F13A1: variants seen among roughly 807,000 people sequenced by gnomAD.
The protein encoded by F13A1 is coagulation factor XIII A chain.
A neutral mutation model predicts 80.1 loss-of-function variants in F13A1; 47 were observed. That is an observed-to-expected ratio of 0.59 (90% CI 0.46 to 0.75). The LOEUF (loss-of-function observed/expected upper bound fraction) is 0.75, where lower values mean the gene tolerates loss of function less well. Among genes scored for constraint, F13A1 ranks in the 30% least tolerant of loss-of-function variants. The pLI, the probability that F13A1 is intolerant of heterozygous loss-of-function variation, is 0.00. For missense variants in F13A1, 817 were observed against 930.4 expected, an observed-to-expected ratio of 0.88 and a Z score of 1.59; for synonymous variants, 349 against 344.9, an observed-to-expected ratio of 1.01 and a Z score of -0.13.
chr6:6,278,917 AG>A (rs781567757), intron 3 of F13A1, among the ~76,000 whole-genome samples: 54 of 152,228 alleles, frequency 3.5e-4, no homozygotes, highest in Non-Finnish European at 7.3e-5. Flanking sequence ...TGAAGACTGC[AG>A]GAGAGCAATC....
rs564505812 is a variant in F13A1, at chr6:6,151,669, G to A, written c.2045+144C>T. ...CAAACCAACCCTAGTTTTACTCCAC[G>A]CCCTACAGAAATGGTCGGCAAGGAG... is the stretch of plus-strand genomic sequence containing the variant. On this transcript the variant is annotated intron_variant, in intron 14 of 14. Coordinates refer to ENST00000264870, the MANE Select transcript of F13A1 (RefSeq NM_000129.4). 74 of 1,097,494 alleles carry A rather than the reference G, an allele frequency of 6.7e-5. No individual in the cohort carries two copies. The East Asian group carries it at 1.0e-3, about 15-fold the overall frequency. 68.0% of individuals were successfully genotyped at this position (1,097,494 alleles called of 1,614,324 possible).
intron 3 of F13A1, among the ~76,000 whole-genome samples, chr6:6,287,259 C>T (rs1290483705): frequency 2.0e-5 from 3 of 152,178 alleles, no homozygotes; most frequent in Non-Finnish European, 4.4e-5. Flanking sequence ...GCTTCATATG[C>T]TGCAAGAATG....
intron 10 of F13A1, among the ~76,000 whole-genome samples, chr6:6,191,742 G>A (rs1392880400): frequency 1.3e-5 from 2 of 152,218 alleles, no homozygotes; most frequent in African/African-American, 4.8e-5. Flanking sequence ...CTTGTCTGCA[G>A]GCTCTGCAGA....
chr6:6,251,366 G>T (rs556589229), intron 4 of F13A1, among the ~76,000 whole-genome samples: 1 of 149,176 alleles, frequency 6.7e-6, no homozygotes, highest in South Asian at 2.1e-4. Flanking sequence ...TCTGGGACAC[G>T]TGAGAAGGCC....
At chr6:6,196,809 G>GA (rs925914158) in intron 9 of F13A1, among the ~76,000 whole-genome samples, 13 of 152,068 alleles carry the variant, frequency 8.5e-5, no homozygotes, top group Non-Finnish European at 1.5e-5. Flanking sequence ...CCAGGTTCTG[G>GA]AAAAACAATT....
intron 8 of F13A1, among the ~76,000 whole-genome samples, chr6:6,201,655 A>G (rs960712335): frequency 2.0e-5 from 3 of 152,194 alleles, no homozygotes; most frequent in African/African-American, 7.2e-5. Context: ...TTATATCCCA[A>G]GTTCCTCCAT....
chr6:6,258,506 T>C (rs990556032), intron 4 of F13A1, among the ~76,000 whole-genome samples: 6 of 152,190 alleles, frequency 3.9e-5, no homozygotes, highest in African/African-American at 1.4e-4. Context: ...TGGGTGAATG[T>C]GTCTCTGCAT....
At position 6,165,662 on chromosome 6, in the gene F13A1, G is replaced by A. The variant is rs575438802; in HGVS notation, c.1908+1796C>T. On this transcript the variant is annotated intron_variant, in intron 13 of 14. Transcript: ENST00000264870. Reference sequence around the variant, plus strand: ...CAGCTGGGACAGGCCTGCAGCAGGGGGTCCCACATGTCTATAGGAAGAGCC... The same window carrying A: ...CAGCTGGGACAGGCCTGCAGCAGGGAGTCCCACATGTCTATAGGAAGAGCC... 7.2e-5 allele frequency among the ~76,000 whole-genome samples: 11 copies of A among 152,314 alleles called. 1 individual carries two copies. Among genetic ancestry groups the A allele is most frequent in the African/African-American group, 2.6e-4 (11 of 41,562 alleles).
rs373896931 is a variant in F13A1, at chr6:6,252,753, A to G, written c.572-1824T>C. Reference sequence around the variant, plus strand: ...AACATTCAGTAATGTAAAGATATAAATTCTACCCAAATTAGTCTATATGAC... The same window carrying G: ...AACATTCAGTAATGTAAAGATATAAGTTCTACCCAAATTAGTCTATATGAC... On this transcript the variant is annotated intron_variant, in intron 4 of 14. Coordinates refer to ENST00000264870, the MANE Select transcript of F13A1 (RefSeq NM_000129.4). Among the ~76,000 whole-genome samples the G allele has an allele frequency of 5.9e-5, 9 of 152,336 alleles. No homozygotes were observed. The East Asian group carries it at 1.7e-3, about 29-fold the overall frequency.
In F13A1 at chr6:6,151,868, C is replaced by G; in HGVS notation, c.1990G>C (p.Val664Leu). Reference protein sequence around the residue: ...TNPLKETLRNVWVHLDGPGVT... With the variant: ...TNPLKETLRNLWVHLDGPGVT... ...CCAGGACCATCCAGGTGTACCCAGA[C>G]ATTTCGCAGGGTTTCTTTTAAAGGA... The change falls in exon 14 of 15, where the codon GTC (valine) becomes CTC (leucine). Residue 664 changes from valine (V) to leucine (L), a missense_variant. Transcript: ENST00000264870. 1 of 1,614,096 alleles carries G rather than the reference C, an allele frequency of 6.2e-7. No homozygotes were observed. The highest frequency in any genetic ancestry group is 8.5e-7 in the Non-Finnish European group (1 of 1,179,980).
chr6:6,278,119 C>T lies in F13A1; in HGVS notation c.320-11310G>A, dbSNP rs181478439. On this transcript the variant is annotated intron_variant, in intron 3 of 14. Coordinates refer to ENST00000264870, the MANE Select transcript of F13A1 (RefSeq NM_000129.4). ...CTGTGGCACGATTCAGGATCTTTTTCGTCAACAGGTTATTTATTAAGCACC... is the reference window on the plus strand; with the variant it reads ...CTGTGGCACGATTCAGGATCTTTTTTGTCAACAGGTTATTTATTAAGCACC... 2.7e-3 allele frequency among the ~76,000 whole-genome samples: 413 copies of T among 152,298 alleles called. 6 individuals are homozygous for T. The highest frequency in any genetic ancestry group is 9.2e-3 in the African/African-American group (383 of 41,558).
chr6:6,191,310 C>T (rs114013554), intron 10 of F13A1, among the ~76,000 whole-genome samples: 1 of 152,192 alleles, frequency 6.6e-6, no homozygotes, highest in East Asian at 1.9e-4. Flanking sequence ...TAGATTGGTA[C>T]TACTTGTGAA....
Position 6,315,565 on chromosome 6 carries a change from C to T in F13A1, c.130+2970G>A, listed in dbSNP as rs532602643. ...TGTTACCAAAGCCATGACTTAAGGG[C>T]GTTATATACACTCAGTATACCTTAG... On this transcript the variant is annotated intron_variant, in intron 2 of 14. Transcript: ENST00000264870. Among the ~76,000 whole-genome samples, 219 of 152,208 alleles carry T rather than the reference C, an allele frequency of 1.4e-3. 1 individual carries two copies. The highest frequency in any genetic ancestry group is 4.1e-3 in the African/African-American group (172 of 41,536).
chr6:6,147,303 TAAAA>T (rs567837553), intron 14 of F13A1, among the ~76,000 whole-genome samples: 1 of 151,970 alleles, frequency 6.6e-6, no homozygotes, highest in African/African-American at 2.4e-5. Flanking sequence ...CCTATAGAAA[TAAAA>T]AAAGAAAAGA....
intron 8 of F13A1, among the ~76,000 whole-genome samples, chr6:6,209,965 C>T (rs1761572586): frequency 6.6e-6 from 1 of 152,052 alleles, no homozygotes; most frequent in African/African-American, 2.4e-5. Flanking sequence ...GTGGCTCATG[C>T]CTGTAATCCC....
chr6:6,279,696 G>A (rs953393294), intron 3 of F13A1, among the ~76,000 whole-genome samples: 4 of 152,156 alleles, frequency 2.6e-5, no homozygotes, highest in African/African-American at 9.7e-5. Context: ...CAAGTCTATG[G>A]AGCCAAAGCA....
At chr6:6,217,004 C>T (rs941127407) in intron 8 of F13A1, among the ~76,000 whole-genome samples, 9 of 147,718 alleles carry the variant, frequency 6.1e-5, no homozygotes, top group East Asian at 2.0e-4. Context: ...GTTAGAATGG[C>T]AATCATTAAA....
chr6:6,202,191 C>A (rs953738946), intron 8 of F13A1, among the ~76,000 whole-genome samples: 2 of 150,824 alleles, frequency 1.3e-5, no homozygotes, highest in Non-Finnish European at 2.9e-5. Context: ...ATCTCAAACA[C>A]TTATTCCTTC....
At chr6:6,184,973 T>G (rs904138319) in intron 10 of F13A1, among the ~76,000 whole-genome samples, 1 of 152,176 alleles carries the variant, frequency 6.6e-6, no homozygotes, top group African/African-American at 2.4e-5. Flanking sequence ...CTGGTTGTAC[T>G]AGGGAATCAT....
Sources: gnomAD v4.1 joint callset for allele counts (sites outside exome capture counted in the v4.1 genomes callset) on GRCh38, gnomAD v4.1.1 for gene constraint, MANE v1.5 for transcripts, NCBI Gene and HGNC (gene_info 2026-07-23, HGNC 2026-07-21) for gene names.